The following RASGRP3 variants were observed in gnomAD, a reference collection of about 807,000 sequenced individuals.
The protein encoded by RASGRP3 is ras guanyl-releasing protein 3.
RASGRP3 carries 54 observed loss-of-function variants against 82.7 expected under a neutral mutation model. The ratio of observed to expected loss-of-function variants is 0.65; its 90% CI spans 0.52 to 0.82. The LOEUF (loss-of-function observed/expected upper bound fraction) is 0.82. Ranked by LOEUF, RASGRP3 falls within the 40% of genes least tolerant of loss-of-function variation. The pLI is 0.00. For synonymous variants in RASGRP3, 309 were observed against 300.5 expected, an observed-to-expected ratio of 1.03 and a Z score of -0.29; for missense variants, 861 against 828.9, an observed-to-expected ratio of 1.04 and a Z score of -0.48.
intron 15 of RASGRP3, among the ~76,000 whole-genome samples, chr2:33,557,888 T>C (rs977726203): frequency 1.3e-5 from 2 of 152,070 alleles, no homozygotes; most frequent in African/African-American, 4.8e-5. Context: ...CCATTTGATT[T>C]GCATTTAGTT....
chr2:33,535,345 A>C (rs1673504006), intron 11 of RASGRP3, among the ~76,000 whole-genome samples: 1 of 152,268 alleles, frequency 6.6e-6, no homozygotes, highest in Admixed American at 6.5e-5. Context: ...ATGAGTTTAA[A>C]ATTTATAATG....
rs79556224 is a variant in RASGRP3, at chr2:33,479,551, G to A, written c.-261+2844G>A. Among the ~76,000 whole-genome samples the A allele has an allele frequency of 4.9e-3, 740 of 152,230 alleles. 3 individuals carry two copies. The highest frequency in any genetic ancestry group is 0.017 in the African/African-American group (708 of 41,548). ...GAAACCATGCACTCTGCCACTCTGC[G>A]CTGTTTTTTTGAGCTGTGGGTGTAA... On this transcript the variant is annotated intron_variant, in intron 1 of 17. Transcript: ENST00000403687.
rs541772482 is a variant in RASGRP3, at chr2:33,523,772, ATTGTG to A, written c.517-102_517-98del. ...CCATTGTAAATGTGAAATAAAAGAA[ATTGTG>A]TTGTTACGAAACAATATCTCACCTT... On this transcript the variant is annotated intron_variant, in intron 7 of 17. Coordinates refer to ENST00000403687, the MANE Select transcript of RASGRP3 (RefSeq NM_001139488.2). 6.3e-4 allele frequency: 705 copies of A among 1,121,728 alleles called. 1 individual carries two copies. Among genetic ancestry groups the A allele is most frequent in the Non-Finnish European group, 8.3e-4 (662 of 793,370 alleles). 69.5% of individuals were successfully genotyped at this position (1,121,728 alleles called of 1,614,324 possible).
At chr2:33,521,579 A>G (rs945640319) in intron 6 of RASGRP3, among the ~76,000 whole-genome samples, 1 of 152,246 alleles carries the variant, frequency 6.6e-6, no homozygotes, top group Non-Finnish European at 1.5e-5. Context: ...AGTTCATGTT[A>G]TACTAAAGTA....
intron 2 of RASGRP3, among the ~76,000 whole-genome samples, chr2:33,463,566 T>C (rs1368515848): frequency 1.3e-5 from 2 of 149,984 alleles, no homozygotes; most frequent in Admixed American, 1.3e-4. Context: ...AGCCCTCCTC[T>C]GGTAGAAGCT....
intron 11 of RASGRP3, 82 bp from the exon 12 acceptor site, chr2:33,539,012 C>T: frequency 9.9e-7 from 1 of 1,012,336 alleles, no homozygotes. Context: ...GCACTCCAGC[C>T]TGGGCGACAG....
intron 10 of RASGRP3, chr2:33,533,272 T>C (rs13425000): frequency 0.15 from 22,842 of 152,144 alleles, 1,915 homozygotes; most frequent in Admixed American, 0.17. Context: ...ATCTGTGTTG[T>C]TGTCCTTGCC....
In RASGRP3 at chr2:33,558,124, G is replaced by A. The variant is rs147127388; in HGVS notation, c.1580-87G>A. 54 of 1,503,450 alleles carry A rather than the reference G, an allele frequency of 3.6e-5. No homozygotes were observed. The South Asian group carries it at 6.5e-4, about 18-fold the overall frequency. 93.1% of individuals were successfully genotyped at this position (1,503,450 alleles called of 1,614,324 possible). ...CAACACAGAAACTGGGGTGGGGGAG[G>A]GGAGGGCTGACAAATCAAGTGCCAC... On this transcript the variant is annotated intron_variant, in intron 15 of 17. Transcript: ENST00000403687.
chr2:33,522,313 A>G (rs1672113757), intron 7 of RASGRP3, among the ~76,000 whole-genome samples: 1 of 152,090 alleles, frequency 6.6e-6, no homozygotes, highest in African/African-American at 2.4e-5. Context: ...TTCTGTCGCT[A>G]TTTTCAATGT....
intron 2 of RASGRP3, among the ~76,000 whole-genome samples, chr2:33,453,611 T>A (rs1412545205): frequency 6.6e-6 from 1 of 152,060 alleles, no homozygotes; most frequent in Non-Finnish European, 1.5e-5. Context: ...AGATGCAAGG[T>A]TTTTTATGAC....
chr2:33,548,407 G>T (rs2151090306), intron 13 of RASGRP3, among the ~76,000 whole-genome samples: 1 of 148,304 alleles, frequency 6.7e-6, no homozygotes, highest in East Asian at 2.0e-4. Flanking sequence ...AAAGACATCT[G>T]TTGGAGATGG....
rs942787904 is a variant in RASGRP3, at chr2:33,563,521, G to A, written c.*784G>A. ...AAATTATGCTTGTCCCTTCTGACTG[G>A]GTTAAGCCATCTTTCTTAAGATTCC... On this transcript the variant is annotated 3_prime_UTR_variant, in exon 18 of 18. Coordinates refer to ENST00000403687, the MANE Select transcript of RASGRP3 (RefSeq NM_001139488.2). 1.3e-5 allele frequency: 2 copies of A among 152,028 alleles called. No homozygotes were observed. Among genetic ancestry groups the A allele is most frequent in the African/African-American group, 4.8e-5 (2 of 41,398 alleles). 9.4% of individuals were successfully genotyped at this position (152,028 alleles called of 1,614,324 possible).
intron 2 of RASGRP3, among the ~76,000 whole-genome samples, chr2:33,514,605 A>G (rs1431180858): frequency 6.6e-6 from 1 of 151,500 alleles, no homozygotes; most frequent in Non-Finnish European, 1.5e-5. Context: ...GAATTGCTTG[A>G]ACCCGGGAGG....
In RASGRP3 at chr2:33,563,766, A is replaced by ACT. The variant is rs1676948630; in HGVS notation, c.*1031_*1032dup. The ACT allele has an allele frequency of 2.0e-5, 3 of 152,326 alleles. No homozygotes were observed. In the South Asian group the frequency reaches 6.2e-4, roughly 32 times the overall value. 9.4% of individuals were successfully genotyped at this position (152,326 alleles called of 1,614,324 possible). A position where few individuals can be genotyped will look rare whatever the true frequency, so the allele number is the denominator to read the frequency against. On this transcript the variant is annotated 3_prime_UTR_variant, in exon 18 of 18. Coordinates refer to ENST00000403687, the MANE Select transcript of RASGRP3 (RefSeq NM_001139488.2). ...AAACTGCCTTCCACAATTAAAGAATACTCATAGAAAGAAAATAATCATAAA... is the reference window on the plus strand; with the variant it reads ...AAACTGCCTTCCACAATTAAAGAATACTCTCATAGAAAGAAAATAATCATAAA...
chr2:33,555,122 A>G (rs1254390005), intron 14 of RASGRP3: 1 of 161,112 alleles, frequency 6.2e-6, no homozygotes, highest in South Asian at 2.0e-4. Flanking sequence ...ATGCTTTCAC[A>G]TGAGGTGCGC....
chr2:33,457,441 T>G (rs1229171698), intron 2 of RASGRP3, among the ~76,000 whole-genome samples: 2 of 152,200 alleles, frequency 1.3e-5, no homozygotes, highest in African/African-American at 4.8e-5. Context: ...TTCAGCCCAC[T>G]TTTTAAACTT....
chr2:33,555,511 TC>T lies in RASGRP3; in HGVS notation c.1543-18del. 6.3e-7 allele frequency: 1 copy of T among 1,585,850 alleles called. No individual in the cohort carries two copies. Among genetic ancestry groups the T allele is most frequent in the East Asian group, 2.2e-5 (1 of 44,692 alleles). On this transcript the variant is annotated intron_variant, in intron 14 of 17. Transcript: ENST00000403687. ...GATCTATCCTCAGATTCCCTGACAT[TC>T]CTTTGTCTTTTGTTACAGCTCTGGG...
At chr2:33,457,153 G>A (rs1464706679) in intron 2 of RASGRP3, among the ~76,000 whole-genome samples, 9 of 151,940 alleles carry the variant, frequency 5.9e-5, no homozygotes, top group Non-Finnish European at 2.9e-5. Flanking sequence ...TTACAGGTGC[G>A]AGCCGCCATG....
chr2:33,495,813 A>G (rs890326125), intron 1 of RASGRP3, among the ~76,000 whole-genome samples: 2 of 152,210 alleles, frequency 1.3e-5, no homozygotes, highest in African/African-American at 4.8e-5. Context: ...GAAAAGGCAC[A>G]TAGTGGGATG....
Sources: allele counts gnomAD v4.1 joint callset (sites outside exome capture counted in the v4.1 genomes callset), GRCh38; gene constraint gnomAD v4.1.1; transcripts MANE v1.5; gene names NCBI Gene and HGNC (gene_info 2026-07-23, HGNC 2026-07-21).